The following FHIP1A variants were observed in gnomAD, a reference collection of about 807,000 sequenced individuals.
FHIP1A encodes the protein FHF complex subunit HOOK-interacting protein 1A.
A neutral mutation model predicts 88.6 loss-of-function variants in FHIP1A; 61 were observed. The observed-to-expected ratio is 0.69, with a 90% CI of 0.56 to 0.85. FHIP1A has a LOEUF of 0.85. Among genes scored for constraint, FHIP1A ranks in the 40% least tolerant of loss-of-function variants. FHIP1A has a pLI of 0.00. For missense variants in FHIP1A, 1,154 were observed against 1,273.5 expected, an observed-to-expected ratio of 0.91 and a Z score of 1.43; for synonymous variants, 478 against 496.0, an observed-to-expected ratio of 0.96 and a Z score of 0.48.
intron 2 of FHIP1A, among the ~76,000 whole-genome samples, chr4:151,477,191 G>T (rs906717292): frequency 2.0e-5 from 3 of 152,138 alleles, no homozygotes; most frequent in African/African-American, 4.8e-5. Flanking sequence ...ATCTAGCTTA[G>T]TAAGTCTACA....
rs1302522377 is a variant in FHIP1A, at chr4:151,443,700, T to TGTGTGTGTGTGC, written c.-355-10990_-355-10989insCGTGTGTGTGTG. Among the ~76,000 whole-genome samples, 2 of 149,922 alleles carry TGTGTGTGTGTGC rather than the reference T, an allele frequency of 1.3e-5. 1 individual carries two copies. Among genetic ancestry groups the TGTGTGTGTGTGC allele is most frequent in the Non-Finnish European group, 3.0e-5 (2 of 67,334 alleles). On this transcript the variant is annotated intron_variant, in intron 1 of 13. Coordinates refer to ENST00000435205, the MANE Select transcript of FHIP1A (RefSeq NM_001109977.3). ...ATGAAGCACTCTGTGTGTGTGTGTG[T>TGTGTGTGTGTGC]GTGTGTGTGTGTGTGTGTGTGTGTT...
At chr4:151,518,468 A>C (rs961530991) in intron 3 of FHIP1A, among the ~76,000 whole-genome samples, 1 of 152,282 alleles carries the variant, frequency 6.6e-6, no homozygotes, top group East Asian at 1.9e-4. Flanking sequence ...TATACTCTAC[A>C]TTTCAGCAGA....
chr4:151,586,877 C>A, intron 6 of FHIP1A, 78 bp downstream of exon 6: 1 of 1,114,546 alleles, frequency 9.0e-7, no homozygotes, highest in Non-Finnish European at 1.2e-6. Flanking sequence ...AATTTTAAAA[C>A]GTTCATTTTT....
chr4:151,500,539 C>T (rs1730615906), intron 3 of FHIP1A, among the ~76,000 whole-genome samples: 1 of 151,598 alleles, frequency 6.6e-6, no homozygotes, highest in Non-Finnish European at 1.5e-5. Flanking sequence ...TTCTGCCTGC[C>T]TCAGTTTCTT....
chr4:151,469,932 A>G (rs897001580), intron 2 of FHIP1A, among the ~76,000 whole-genome samples: 2 of 152,194 alleles, frequency 1.3e-5, no homozygotes, highest in African/African-American at 4.8e-5. Context: ...GTGCCCTTGT[A>G]ACTTACATTA....
chr4:151,482,444 A>G (rs2126635301), intron 2 of FHIP1A, 80 bp from the exon 3 acceptor site: 1 of 152,154 alleles, frequency 6.6e-6, no homozygotes, highest in South Asian at 2.1e-4. Flanking sequence ...ATGTAGTGGT[A>G]AATGCGAGCG....
At chr4:151,588,816 C>G in intron 6 of FHIP1A, 24 bp from the exon 7 acceptor site, 1 of 1,443,734 alleles carries the variant, frequency 6.9e-7, no homozygotes, top group Non-Finnish European at 9.5e-7. Context: ...TTGCCTTTTT[C>G]ATGCCTATGT....
At chr4:151,639,632 T>G (rs1578850141) in intron 9 of FHIP1A, among the ~76,000 whole-genome samples, 1 of 152,294 alleles carries the variant, frequency 6.6e-6, no homozygotes, top group South Asian at 2.1e-4. Flanking sequence ...TTGACTACTC[T>G]GGTGAAACCC....
At position 151,467,986 on chromosome 4, in the gene FHIP1A, T is replaced by TA. The variant is rs34475856; in HGVS notation, c.-248+13195dup. Among the ~76,000 whole-genome samples the TA allele has an allele frequency of 9.8e-3, 1,305 of 133,738 alleles. 13 individuals carry two copies. Among genetic ancestry groups the TA allele is most frequent in the African/African-American group, 0.033 (1,166 of 35,626 alleles). 87.7% of individuals were successfully genotyped at this position (133,738 alleles called of 152,430 possible). A position where few individuals can be genotyped will look rare whatever the true frequency, so the allele number is the denominator to read the frequency against. On this transcript the variant is annotated intron_variant, in intron 2 of 13. Coordinates refer to ENST00000435205, the MANE Select transcript of FHIP1A (RefSeq NM_001109977.3). The stretch of plus-strand genomic sequence containing the variant: ...CGTTCTGCACATGTATCCCGGAACT[T>TA]AAAAAAAAAAAAAAAAAGCCGGGCA...
intron 7 of FHIP1A, among the ~76,000 whole-genome samples, chr4:151,603,515 G>A (rs946758017): frequency 6.6e-6 from 1 of 152,032 alleles, no homozygotes; most frequent in Non-Finnish European, 1.5e-5. Flanking sequence ...TTCCTGCACT[G>A]ATTGACCCTC....
At chr4:151,503,939 A>T (rs574295422) in intron 3 of FHIP1A, among the ~76,000 whole-genome samples, 2 of 152,212 alleles carry the variant, frequency 1.3e-5, no homozygotes, top group Non-Finnish European at 2.9e-5. Flanking sequence ...TTGAATGCAA[A>T]ACAATAGGAA....
intron 2 of FHIP1A, among the ~76,000 whole-genome samples, chr4:151,463,789 T>G (rs1164132763): frequency 6.6e-6 from 1 of 152,232 alleles, no homozygotes; most frequent in African/African-American, 2.4e-5. Flanking sequence ...TGACACTGAC[T>G]GAAAAATACC....
intron 1 of FHIP1A, among the ~76,000 whole-genome samples, chr4:151,425,067 A>G (rs943934193): frequency 2.0e-5 from 3 of 152,184 alleles, no homozygotes; most frequent in African/African-American, 7.2e-5. Context: ...CAATCTTACC[A>G]TTACAAAAGA....
chr4:151,620,568 A>G (rs1274646970), intron 7 of FHIP1A, among the ~76,000 whole-genome samples: 1 of 152,178 alleles, frequency 6.6e-6, no homozygotes, highest in East Asian at 1.9e-4. Context: ...GTTAGCTGAC[A>G]AAACTGTATG....
In FHIP1A at chr4:151,439,779, T is replaced by G. The variant is rs1200336764; in HGVS notation, c.-355-14922T>G. Among the ~76,000 whole-genome samples the G allele has an allele frequency of 5.3e-5, 8 of 152,220 alleles. No individual in the cohort carries two copies. In the East Asian group the frequency reaches 1.3e-3, roughly 26 times the overall value. On this transcript the variant is annotated intron_variant, in intron 1 of 13. Coordinates refer to ENST00000435205, the MANE Select transcript of FHIP1A (RefSeq NM_001109977.3). ...AAGGCATTAACCAAACACTCCACTC[T>G]CTGGGGAACTCATCACTTCTCCTAG...
At chr4:151,610,427 T>G (rs1319109504) in intron 7 of FHIP1A, among the ~76,000 whole-genome samples, 7 of 152,206 alleles carry the variant, frequency 4.6e-5, no homozygotes, top group African/African-American at 7.2e-5. Context: ...TTTATCAAAT[T>G]TGGCATATTG....
At chr4:151,542,087 C>T (rs1030057930) in intron 3 of FHIP1A, among the ~76,000 whole-genome samples, 19 of 151,854 alleles carry the variant, frequency 1.3e-4, no homozygotes, top group African/African-American at 4.6e-4. Context: ...GAGAGGTTTT[C>T]TTTTTTTTCT....
chr4:151,626,138 G>A (rs1735944330), intron 7 of FHIP1A, among the ~76,000 whole-genome samples: 1 of 152,158 alleles, frequency 6.6e-6, no homozygotes, highest in Admixed American at 6.5e-5. Context: ...AACAAAATAT[G>A]TATACACAAG....
In FHIP1A at chr4:151,646,591, T is replaced by G; in HGVS notation, c.1260T>G (p.Ser420Arg). 6.4e-7 allele frequency: 1 copy of G among 1,551,586 alleles called. No individual in the cohort carries two copies. The highest frequency in any genetic ancestry group is 1.4e-5 in the African/African-American group (1 of 73,164). The change falls in exon 10 of 14, where the codon AGT (serine) becomes AGG (arginine). Residue 420 changes from serine to arginine, a missense_variant. Physicochemically the swap from Ser to Arg is moderately radical, Grantham distance 110 (BLOSUM62 -1). Coordinates refer to ENST00000435205, the MANE Select transcript of FHIP1A (RefSeq NM_001109977.3). ...YLIPCNHMMLSQRWAVKERDC... is the reference protein window; with the variant it reads ...YLIPCNHMMLRQRWAVKERDC... Reference sequence around the variant, plus strand: ...TCCCCTGCAATCACATGATGCTGAGTCAGAGGTGGGCTGTGAAGGAGAGAG... The same window carrying G: ...TCCCCTGCAATCACATGATGCTGAGGCAGAGGTGGGCTGTGAAGGAGAGAG...
Sources: gnomAD v4.1 joint callset for allele counts (sites outside exome capture counted in the v4.1 genomes callset) on GRCh38, gnomAD v4.1.1 for gene constraint, MANE v1.5 for transcripts, NCBI Gene and HGNC (gene_info 2026-07-23, HGNC 2026-07-21) for gene names.